FAT1: variants seen among roughly 807,000 people sequenced by gnomAD.
FAT1 encodes protocadherin Fat 1.
FAT1 carries 171 observed loss-of-function variants against 329.8 expected under a neutral mutation model. The observed-to-expected ratio is 0.52, with a 90% confidence interval of 0.46 to 0.59. The LOEUF (loss-of-function observed/expected upper bound fraction) is 0.59. Among genes scored for constraint, FAT1 ranks in the 20% least tolerant of loss-of-function variants. The pLI, the probability that FAT1 is intolerant of heterozygous loss-of-function variation, is 0.00. For synonymous variants in FAT1, 2,233 were observed against 2,228.6 expected (o/e 1.00, Z -0.06); for missense variants, 5,672 against 5,774.4 (o/e 0.98, Z 0.57).
At chr4:186,608,660 G>T (rs1290327313) in intron 16 of FAT1, among the ~76,000 whole-genome samples, 1 of 152,174 alleles carries the variant, frequency 6.6e-6, no homozygotes, top group African/African-American at 2.4e-5. Flanking sequence ...ATACCCTAGT[G>T]CCTGAGGCAT....
At chr4:186,604,723 CG>C in intron 17 of FAT1, 149 bp from the exon 18 acceptor site, 1 of 535,144 alleles carries the variant, frequency 1.9e-6, no homozygotes, top group Non-Finnish European at 3.2e-6. Flanking sequence ...AAGGTGGAGA[CG>C]GGAGTGTGGT....
chr4:186,710,923 G>A (rs996724993), intron 1 of FAT1, among the ~76,000 whole-genome samples: 3 of 152,190 alleles, frequency 2.0e-5, no homozygotes, highest in South Asian at 2.1e-4. Flanking sequence ...GAAGGTGGGC[G>A]AAGTCCACTG....
chr4:186,695,802 C>CAT (rs1553999128), intron 2 of FAT1, among the ~76,000 whole-genome samples: 5 of 146,808 alleles, frequency 3.4e-5, no homozygotes, highest in Admixed American at 2.7e-4. Flanking sequence ...CACACACACA[C>CAT]ATTTTTGAGA....
intron 18 of FAT1, among the ~76,000 whole-genome samples, 165 bp from the exon 19 acceptor site, chr4:186,604,142 A>G (rs1738977403): frequency 6.6e-6 from 1 of 152,208 alleles, no homozygotes; most frequent in Admixed American, 6.5e-5. Context: ...TCTTTATAGC[A>G]CTTCACTAAT....
intron 3 of FAT1, among the ~76,000 whole-genome samples, chr4:186,657,577 A>T (rs1002779210): frequency 6.6e-6 from 1 of 152,174 alleles, no homozygotes; most frequent in Non-Finnish European, 1.5e-5. Context: ...ATGTTTTCTC[A>T]GGTGTAAAAG....
At chr4:186,660,935 TCA>T (rs1425088041) in intron 3 of FAT1, among the ~76,000 whole-genome samples, 1 of 152,196 alleles carries the variant, frequency 6.6e-6, no homozygotes, top group East Asian at 1.9e-4. Flanking sequence ...TGCCATGTGC[TCA>T]GATATCCCAA....
At chr4:186,683,822 A>C (rs2126648735) in intron 2 of FAT1, among the ~76,000 whole-genome samples, 1 of 152,298 alleles carries the variant, frequency 6.6e-6, no homozygotes, top group South Asian at 2.1e-4. Context: ...CCTTTTGGGT[A>C]TCAGAGATCC....
intron 16 of FAT1, among the ~76,000 whole-genome samples, chr4:186,607,458 C>T (rs927746876): frequency 1.6e-3 from 74 of 45,074 alleles, no homozygotes; most frequent in African/African-American, 0.014. Context: ...TAAGTGGATA[C>T]ATGGGTGGGT....
intron 1 of FAT1, among the ~76,000 whole-genome samples, chr4:186,713,152 C>T (rs1745044714): frequency 6.6e-6 from 1 of 151,786 alleles, no homozygotes; most frequent in African/African-American, 2.4e-5. Flanking sequence ...CTCAAATTTG[C>T]TCATTTTACC....
intron 2 of FAT1, among the ~76,000 whole-genome samples, chr4:186,667,684 C>T (rs1334119130): frequency 6.6e-6 from 1 of 152,188 alleles, no homozygotes; most frequent in Non-Finnish European, 1.5e-5. Flanking sequence ...CCACCAATCA[C>T]GTCACTAGAT....
intron 9 of FAT1, among the ~76,000 whole-genome samples, chr4:186,623,051 T>C (rs1437925685): frequency 6.6e-6 from 1 of 152,190 alleles, no homozygotes; most frequent in African/African-American, 2.4e-5. Context: ...CTTCCTTCCT[T>C]TCATACATTT....
At chr4:186,681,532 C>A (rs1172477810) in intron 2 of FAT1, among the ~76,000 whole-genome samples, 3 of 152,124 alleles carry the variant, frequency 2.0e-5, no homozygotes, top group African/African-American at 4.8e-5. Flanking sequence ...TATTGTAGAG[C>A]CCAGGTGACA....
chr4:186,614,568 A>G (rs1183995636), intron 11 of FAT1, among the ~76,000 whole-genome samples: 1 of 152,228 alleles, frequency 6.6e-6, no homozygotes, highest in Non-Finnish European at 1.5e-5. Flanking sequence ...CATCCCTGAA[A>G]GAGCCTGGCC....
At chr4:186,726,506 G>C (rs62342734), upstream of FAT1, 22,293 of 152,180 alleles carry the variant, frequency 0.15, 2,153 homozygotes, top group African/African-American at 0.28. Context: ...GCCAACGTCC[G>C]TGCCGCCGGG....
intron 2 of FAT1, among the ~76,000 whole-genome samples, chr4:186,704,252 C>T (rs1177816897): frequency 6.6e-6 from 1 of 152,156 alleles, no homozygotes; most frequent in Non-Finnish European, 1.5e-5. Flanking sequence ...CTCCCCGCCT[C>T]CCACTAAATT....
intron 20 of FAT1, 81 bp downstream of exon 20, chr4:186,602,822 A>G (rs1738878389): frequency 1.4e-6 from 2 of 1,408,744 alleles, no homozygotes; most frequent in African/African-American, 2.9e-5. Context: ...ATATTTTTAG[A>G]CTCCAATAAA....
intron 2 of FAT1, among the ~76,000 whole-genome samples, chr4:186,693,919 A>G (rs545856662): frequency 6.6e-6 from 1 of 152,022 alleles, no homozygotes; most frequent in African/African-American, 2.4e-5. Context: ...CCTCTCCCAG[A>G]CTCAACCTGC....
At chr4:186,724,871 C>G (rs1394308848), upstream of FAT1, among the ~76,000 whole-genome samples, 1 of 152,208 alleles carries the variant, frequency 6.6e-6, no homozygotes, top group African/African-American at 2.4e-5. This position sits in a 1 kb window ranked among gnomAD's most constrained non-coding sequence, Gnocchi z 5.3. Flanking sequence ...TTCCCTGGGA[C>G]TGGTGAGGGG....
chr4:186,625,715 T>C (rs192409179), intron 9 of FAT1, among the ~76,000 whole-genome samples: 7 of 152,398 alleles, frequency 4.6e-5, no homozygotes, highest in Admixed American at 3.9e-4. Context: ...CTGTAAACTG[T>C]CTTCCCAACA....
Sources: gnomAD v4.1 joint callset for allele counts (sites outside exome capture counted in the v4.1 genomes callset) on GRCh38, gnomAD v4.1.1 for gene constraint, Gnocchi (gnomAD v3.1) non-coding constraint, MANE v1.5 for transcripts, NCBI Gene and HGNC (gene_info 2026-07-23, HGNC 2026-07-21) for gene names.